Variants in RADIL observed in about 807,000 individuals in gnomAD.
RADIL encodes the protein ras-associating and dilute domain-containing protein.
Under a neutral mutation model 97.6 loss-of-function variants are expected in RADIL, and 99 were observed. The observed-to-expected ratio is 1.01, with a 90% CI of 0.86 to 1.20. RADIL has a LOEUF of 1.20. Ranked by LOEUF, RADIL falls within the 50% of genes most tolerant of loss-of-function variation. RADIL has a pLI of 0.00. For synonymous variants in RADIL, 803 were observed against 691.8 expected, an observed-to-expected ratio of 1.16 and a Z score of -2.52; for missense variants, 1,765 against 1,498.9, an observed-to-expected ratio of 1.18 and a Z score of -2.93.
chr7:4,870,180 C>T (rs1377317209), intron 2 of RADIL, among the ~76,000 whole-genome samples: 1 of 152,090 alleles, frequency 6.6e-6, no homozygotes, highest in Non-Finnish European at 1.5e-5. Flanking sequence ...CAAAGATGGA[C>T]ACCAAGTCTT....
At chr7:4,861,453 C>T (rs1401691433) in intron 2 of RADIL, 10 of 1,614,090 alleles carry the variant, frequency 6.2e-6, no homozygotes, top group Non-Finnish European at 8.5e-6. Flanking sequence ...CTTGGTGCAA[C>T]GCACAAGGCG....
intron 13 of RADIL, 59 bp from the exon 14 acceptor site, chr7:4,799,828 A>AC (rs1782019056): frequency 6.9e-7 from 1 of 1,444,936 alleles, no homozygotes; most frequent in Admixed American, 2.7e-5. Flanking sequence ...CCCAGCGAGG[A>AC]CCACTGCAGC....
chr7:4,805,623 C>T lies in RADIL; in HGVS notation c.2233G>A (p.Gly745Ser), dbSNP rs368650462. 2.5e-6 allele frequency: 4 copies of T among 1,611,766 alleles called. No homozygotes were observed. The highest frequency in any genetic ancestry group is 3.4e-6 in the Non-Finnish European group (4 of 1,179,844). The change falls in exon 10 of 15, where the codon GGC becomes AGC. Residue 745 changes from glycine to serine, a missense_variant. Gly to Ser is a moderately conservative substitution (Grantham distance 56, BLOSUM62 0). Transcript: ENST00000399583. ...LTHYQLASAM[G>S]PMSTWEPGAQ... Reference sequence around the variant, plus strand: ...CCTGGCTCCCAGGTGCTCATGGGGCCCATGGCCGAGGCCAGCTGGTAGTGA... The same window carrying T: ...CCTGGCTCCCAGGTGCTCATGGGGCTCATGGCCGAGGCCAGCTGGTAGTGA...
chr7:4,827,457 C>T (rs915277852), intron 5 of RADIL, among the ~76,000 whole-genome samples: 1 of 151,414 alleles, frequency 6.6e-6, no homozygotes. Context: ...GTCAGGCGAT[C>T]AAGACCATCC....
chr7:4,843,470 G>A (rs889903074), intron 2 of RADIL, among the ~76,000 whole-genome samples: 7 of 152,198 alleles, frequency 4.6e-5, no homozygotes, highest in African/African-American at 7.2e-5. Flanking sequence ...ACACAGAGCC[G>A]TAGGACCATC....
At position 4,836,492 on chromosome 7, in the gene RADIL, CACTG is replaced by C; in HGVS notation, c.645_648del (p.Ser216ArgfsTer4). ...GCGTTCACTGGGCTCAGGCTGGTCT[CACTG>C]ACTGTGCGGCGCAACCGGGGTGGAG... On this transcript the variant is annotated frameshift_variant, in exon 3 of 15. Coordinates refer to ENST00000399583, the MANE Select transcript of RADIL (RefSeq NM_018059.5). The C allele has an allele frequency of 6.2e-7, 1 of 1,607,852 alleles. No homozygotes were observed. The highest frequency in any genetic ancestry group is 1.3e-5 in the African/African-American group (1 of 74,950).
At chr7:4,805,099 AT>A (rs1478705089) in intron 10 of RADIL, 28 of 154,036 alleles carry the variant, frequency 1.8e-4, no homozygotes, top group African/African-American at 2.4e-4. Flanking sequence ...TGTCTCAAAA[AT>A]AAAAATAAAA....
At chr7:4,862,127 G>A (rs10275572) in intron 2 of RADIL, 1 of 318,438 alleles carries the variant, frequency 3.1e-6, no homozygotes, top group Non-Finnish European at 5.7e-6. Context: ...TGCGCGGGGG[G>A]CTATACATGG....
intron 2 of RADIL, among the ~76,000 whole-genome samples, chr7:4,848,944 G>C (rs1323070703): frequency 2.6e-5 from 4 of 152,078 alleles, no homozygotes; most frequent in African/African-American, 9.7e-5. Context: ...TTTGAGACTA[G>C]CCTGACCAAC....
At chr7:4,810,900 C>T (rs967340061) in intron 9 of RADIL, among the ~76,000 whole-genome samples, 1 of 152,190 alleles carries the variant, frequency 6.6e-6, no homozygotes, top group Non-Finnish European at 1.5e-5. Flanking sequence ...CTTTGGGAAT[C>T]TGAGGTGGGC....
Position 4,873,112 on chromosome 7 carries a change from C to G in RADIL, c.535+4493G>C, listed in dbSNP as rs1784292473. Among the ~76,000 whole-genome samples the G allele has an allele frequency of 6.6e-6, 1 of 152,128 alleles. No individual in the cohort carries two copies. The highest frequency in any genetic ancestry group is 2.1e-4 in the South Asian group (1 of 4,828). On this transcript the variant is annotated intron_variant, in intron 2 of 14. Transcript: ENST00000399583. This position sits in a 1 kb window ranked among gnomAD's most constrained non-coding sequence, Gnocchi z 4.3. ...TGCCCGGCTACTTCTTTTATATTTT[C>G]AGTAGAGACGGGGTTTCACCATGTT...
intron 2 of RADIL, among the ~76,000 whole-genome samples, chr7:4,845,444 C>T (rs1462578559): frequency 1.3e-5 from 2 of 152,128 alleles, no homozygotes; most frequent in African/African-American, 4.8e-5. Context: ...AAAATGAAGG[C>T]ATATTCTGAG....
At position 4,873,023 on chromosome 7, in the gene RADIL, C is replaced by T. The variant is rs113484432; in HGVS notation, c.535+4582G>A. 0.017 allele frequency among the ~76,000 whole-genome samples: 2,564 copies of T among 152,230 alleles called. 32 individuals carry two copies. Among genetic ancestry groups the T allele is most frequent in the Non-Finnish European group, 0.027 (1,824 of 68,010 alleles). On this transcript the variant is annotated intron_variant, in intron 2 of 14. Coordinates refer to ENST00000399583, the MANE Select transcript of RADIL (RefSeq NM_018059.5). This position sits in a 1 kb window ranked among gnomAD's most constrained non-coding sequence, Gnocchi z 4.3. Reference sequence around the variant, plus strand: ...TGCGATCTCAGCTCACTGCAACCTCCGCCTCCTGGGTTCAAGCGATTCTCT... The same window carrying T: ...TGCGATCTCAGCTCACTGCAACCTCTGCCTCCTGGGTTCAAGCGATTCTCT...
chr7:4,801,686 C>T lies in RADIL; in HGVS notation c.2809G>A (p.Gly937Arg), dbSNP rs769841031. ...GKALPERQRN[G>R]LSGLRGAAPE... ...GCTGCACCCCGGAGGCCGCTGAGTC[C>T]GTTCCTCTGCCTCTCTGGGAGCGCT... The change falls in exon 12 of 15, where the codon GGA becomes AGA. Residue 937 changes from glycine to arginine, a missense_variant. Physicochemically the swap from Gly to Arg is moderately radical, Grantham distance 125. Transcript: ENST00000399583. 12 of 1,607,304 alleles carry T rather than the reference C, an allele frequency of 7.5e-6. No individual in the cohort carries two copies. The highest frequency in any genetic ancestry group is 1.7e-4 in the Middle Eastern group (1 of 5,924).
At chr7:4,863,254 A>T (rs1037120473) in intron 2 of RADIL, among the ~76,000 whole-genome samples, 7 of 152,248 alleles carry the variant, frequency 4.6e-5, no homozygotes, top group African/African-American at 1.7e-4. Flanking sequence ...TCTGCCTTTT[A>T]GATGGCATTC....
Position 4,822,421 on chromosome 7 carries a change from T to C in RADIL, c.1588A>G (p.Ser530Gly). Residue 530 changes from serine to glycine, a missense_variant, in exon 6 of 15, where the codon AGC (serine) becomes GGC (glycine). Transcript: ENST00000399583. This position sits in a 1 kb window ranked among gnomAD's most constrained non-coding sequence, Gnocchi z 5.3. ...GTGATGTCCAGCTGCTCCTCCATGC[T>C]CTGCATGTAGAGTGGGCATTTCTGC... is the stretch of plus-strand genomic sequence containing the variant. ...IQQKCPLYMQ[S>G]MEEQLDITGS... 1 of 1,612,638 alleles carries C rather than the reference T, an allele frequency of 6.2e-7. No homozygotes were observed.
chr7:4,814,964 G>A lies in RADIL; in HGVS notation c.2139+314C>T, dbSNP rs191323278. On this transcript the variant is annotated intron_variant, in intron 9 of 14. Transcript: ENST00000399583. The surrounding 1 kb of genome is among the most constrained non-coding windows in gnomAD (Gnocchi z 4.5). ...CTTGTCTGAGTGGACTGGGCCACCC[G>A]GATACCCAGGTCATCTCCGAATCTC... Among the ~76,000 whole-genome samples the A allele has an allele frequency of 2.0e-5, 3 of 152,140 alleles. No individual in the cohort carries two copies. The highest frequency in any genetic ancestry group is 6.6e-5 in the Admixed American group (1 of 15,258).
chr7:4,856,823 T>G (rs551957920), intron 2 of RADIL, among the ~76,000 whole-genome samples: 91 of 152,256 alleles, frequency 6.0e-4, no homozygotes, highest in Non-Finnish European at 9.8e-4. Flanking sequence ...AGATCATTCA[T>G]GGCAAACAAT....
chr7:4,800,807 G>C (rs958922342), intron 12 of RADIL, among the ~76,000 whole-genome samples: 2 of 152,174 alleles, frequency 1.3e-5, no homozygotes, highest in Non-Finnish European at 2.9e-5. Context: ...GTGCACTTAG[G>C]TCAGAGATGA....
Sources: gnomAD v4.1 joint callset for allele counts (sites outside exome capture counted in the v4.1 genomes callset) on GRCh38, gnomAD v4.1.1 for gene constraint, Gnocchi (gnomAD v3.1) non-coding constraint, MANE v1.5 for transcripts, NCBI Gene and HGNC (gene_info 2026-07-23, HGNC 2026-07-21) for gene names.